The following CELF5 variants were observed in gnomAD, a reference collection of about 807,000 sequenced individuals.
CELF5 encodes CUG-BP and ETR-3 like factor 5.
Under a neutral mutation model 54.9 loss-of-function variants are expected in CELF5, and 6 were observed. The observed-to-expected ratio is 0.11, with a 90% CI of 0.06 to 0.22. The LOEUF is 0.22. Among genes scored for constraint, CELF5 ranks in the 10% least tolerant of loss-of-function variants. The pLI is 1.00. For synonymous variants in CELF5, 271 were observed against 290.9 expected (o/e 0.93, Z 0.70); for missense variants, 401 against 678.6 (o/e 0.59, Z 4.54).
intron 11 of CELF5, among the ~76,000 whole-genome samples, chr19:3,291,112 A>T (rs2080340521): frequency 6.6e-6 from 1 of 151,578 alleles, no homozygotes; most frequent in African/African-American, 2.4e-5. Flanking sequence ...AATACAAAAA[A>T]AAAATTAGCC....
chr19:3,232,622 G>A lies in CELF5; in HGVS notation c.259+7624G>A, dbSNP rs73517124. Among the ~76,000 whole-genome samples, 1,245 of 152,062 alleles carry A rather than the reference G, an allele frequency of 8.2e-3. 17 individuals carry two copies. The highest frequency in any genetic ancestry group is 0.029 in the African/African-American group (1,191 of 41,464). ...GAATAATGACTTGCATATTGTAGGT[G>A]TTCTCCATAAATGGTCAGGCAGTCA... On this transcript the variant is annotated intron_variant, in intron 1 of 12. Transcript: ENST00000292672.
intron 10 of CELF5, 155 bp downstream of exon 10, chr19:3,286,180 G>A: frequency 1.8e-6 from 1 of 567,668 alleles, no homozygotes; most frequent in South Asian, 2.5e-5. Context: ...CGGTGCAGCC[G>A]CTGACCCCTG....
chr19:3,294,781 GGA>G (rs1225877923), intron 12 of CELF5: 1 of 152,210 alleles, frequency 6.6e-6, no homozygotes, highest in Non-Finnish European at 1.5e-5. Flanking sequence ...GGGTAGGGAA[GGA>G]GAGACAGAAA....
chr19:3,288,754 G>T (rs8111190), intron 10 of CELF5, among the ~76,000 whole-genome samples: 2 of 151,946 alleles, frequency 1.3e-5, no homozygotes, highest in African/African-American at 4.8e-5. Context: ...AGGCCAAAGT[G>T]GGGGGATTGC....
intron 8 of CELF5, among the ~76,000 whole-genome samples, chr19:3,284,350 C>G (rs1029337943): frequency 2.6e-5 from 4 of 152,218 alleles, no homozygotes; most frequent in African/African-American, 9.6e-5. Context: ...CTCCAGCACA[C>G]TCTCCATTCG....
At chr19:3,261,149 G>A (rs2079802643) in intron 2 of CELF5, among the ~76,000 whole-genome samples, 1 of 152,186 alleles carries the variant, frequency 6.6e-6, no homozygotes, top group South Asian at 2.1e-4. Flanking sequence ...GTCGGGTGCA[G>A]TGGTTCATGC....
chr19:3,253,569 G>A (rs1198856193), intron 2 of CELF5, among the ~76,000 whole-genome samples: 3 of 152,106 alleles, frequency 2.0e-5, no homozygotes, highest in Non-Finnish European at 4.4e-5. Flanking sequence ...CCCTAGCCTC[G>A]GAATTACACA....
chr19:3,286,122 CG>C, intron 10 of CELF5, 97 bp downstream of exon 10: 1 of 1,123,166 alleles, frequency 8.9e-7, no homozygotes, highest in Non-Finnish European at 1.2e-6. Context: ...CTGGGACCCG[CG>C]GGGCTGAGAG....
At chr19:3,236,149 T>C (rs751045527) in intron 1 of CELF5, among the ~76,000 whole-genome samples, 9 of 152,068 alleles carry the variant, frequency 5.9e-5, no homozygotes, top group Non-Finnish European at 1.0e-4. Context: ...CACCAGGGCC[T>C]CAGCACAGGA....
At chr19:3,236,909 A>G (rs973309860) in intron 1 of CELF5, among the ~76,000 whole-genome samples, 1 of 151,394 alleles carries the variant, frequency 6.6e-6, no homozygotes, top group Non-Finnish European at 1.5e-5. Context: ...GAATCGCTTG[A>G]ACCCGGGAGG....
chr19:3,266,417 A>C (rs910589185), intron 2 of CELF5, among the ~76,000 whole-genome samples: 1 of 151,484 alleles, frequency 6.6e-6, no homozygotes, highest in Admixed American at 6.6e-5. Context: ...AGTGAGACCC[A>C]GTACAAACAA....
intron 1 of CELF5, among the ~76,000 whole-genome samples, chr19:3,229,374 G>A (rs1019948531): frequency 6.6e-6 from 1 of 152,162 alleles, no homozygotes; most frequent in African/African-American, 2.4e-5. Context: ...CCAGTTTAGG[G>A]GACGGAGACA....
At chr19:3,259,829 C>T in intron 2 of CELF5, among the ~76,000 whole-genome samples, 1 of 151,996 alleles carries the variant, frequency 6.6e-6, no homozygotes, top group East Asian at 1.9e-4. Flanking sequence ...TACTCAGCAC[C>T]CTGCAGTGCC....
chr19:3,289,590 G>A (rs1195442334), intron 10 of CELF5, among the ~76,000 whole-genome samples: 2 of 144,688 alleles, frequency 1.4e-5, no homozygotes, highest in Admixed American at 7.4e-5. Flanking sequence ...GCTGAGGCAG[G>A]AGAATTGCTT....
At position 3,281,391 on chromosome 19, in the gene CELF5, C is replaced by CA; in HGVS notation, c.750+47dup. 1 of 1,568,488 alleles carries CA rather than the reference C, an allele frequency of 6.4e-7. No homozygotes were observed. The highest frequency in any genetic ancestry group is 1.3e-5 in the African/African-American group (1 of 74,520). Reference sequence around the variant, plus strand: ...TTCGGGGCTCCGGCTCCGTCTCTCTCAGTCTCTGTCTACTCTCTGTCGGGC... The same window carrying CA: ...TTCGGGGCTCCGGCTCCGTCTCTCTCAAGTCTCTGTCTACTCTCTGTCGGGC... On this transcript the variant is annotated intron_variant, in intron 6 of 12. Transcript: ENST00000292672. This position sits in a 1 kb window ranked among gnomAD's most constrained non-coding sequence, Gnocchi z 6.5.
chr19:3,251,876 T>C (rs2079655731), intron 2 of CELF5, among the ~76,000 whole-genome samples: 1 of 152,012 alleles, frequency 6.6e-6, no homozygotes, highest in Admixed American at 6.6e-5. Context: ...GGTTTTGCCA[T>C]ATTGGCCAGG....
intron 2 of CELF5, among the ~76,000 whole-genome samples, chr19:3,258,368 C>T (rs190309657): frequency 5.3e-5 from 8 of 151,912 alleles, no homozygotes; most frequent in African/African-American, 1.4e-4. Flanking sequence ...GCAATCCTCC[C>T]GCCTTGGCCT....
At chr19:3,270,490 A>G (rs2079942961) in intron 2 of CELF5, 2 of 150,688 alleles carry the variant, frequency 1.3e-5, no homozygotes, top group Admixed American at 6.6e-5. Context: ...CCCGCCTGGC[A>G]CGCCTCCTCC....
At chr19:3,247,038 C>G (rs1011898343) in intron 1 of CELF5, among the ~76,000 whole-genome samples, 2 of 152,274 alleles carry the variant, frequency 1.3e-5, no homozygotes, top group East Asian at 1.9e-4. Flanking sequence ...AAGGCATACA[C>G]GAGAGCTGGG....
Sources: gnomAD v4.1 joint callset for allele counts (sites outside exome capture counted in the v4.1 genomes callset) on GRCh38, gnomAD v4.1.1 for gene constraint, Gnocchi (gnomAD v3.1) non-coding constraint, MANE v1.5 for transcripts, NCBI Gene and HGNC (gene_info 2026-07-23, HGNC 2026-07-21) for gene names.